Variants in TMEM114 observed in about 807,000 individuals in gnomAD.
The protein encoded by TMEM114 is claudin-26.
A neutral mutation model predicts 6.2 loss-of-function variants in TMEM114; 6 were observed. The observed-to-expected ratio is 0.97, with a 90% CI of 0.53 to 1.91. The LOEUF (loss-of-function observed/expected upper bound fraction) is 1.91. TMEM114 is among the 40% of genes most tolerant of loss of function. TMEM114 has a pLI of 0.01. For missense variants in TMEM114, 218 were observed against 158.3 expected, an observed-to-expected ratio of 1.38 and a Z score of -2.02; for synonymous variants, 104 against 73.0, an observed-to-expected ratio of 1.42 and a Z score of -2.16.
chr16:8,561,751 G>T (rs932033841), intron 2 of TMEM114, among the ~76,000 whole-genome samples: 22 of 152,146 alleles, frequency 1.4e-4, no homozygotes, highest in East Asian at 7.7e-4. Context: ...GTGGGGGAAT[G>T]AATGAATGAA....
chr16:8,541,386 C>G (rs1425288261), intron 2 of TMEM114, among the ~76,000 whole-genome samples: 1 of 152,004 alleles, frequency 6.6e-6, no homozygotes, highest in Non-Finnish European at 1.5e-5. Context: ...AAACCAGGAC[C>G]TCCCCAAGCA....
chr16:8,568,899 C>A (rs1321940049), downstream of TMEM114, among the ~76,000 whole-genome samples: 1 of 152,222 alleles, frequency 6.6e-6, no homozygotes, highest in Non-Finnish European at 1.5e-5. Context: ...AAGATGACAA[C>A]CCTTCTCTGT....
At chr16:8,569,081 G>A (rs1175705768), downstream of TMEM114, among the ~76,000 whole-genome samples, 5 of 152,218 alleles carry the variant, frequency 3.3e-5, no homozygotes, top group Non-Finnish European at 5.9e-5. Flanking sequence ...AGCCCATAGA[G>A]TCTGGGGCGC....
chr16:8,564,204 G>C (rs376504247), intron 2 of TMEM114, among the ~76,000 whole-genome samples: 24 of 122,306 alleles, frequency 2.0e-4, no homozygotes, highest in South Asian at 1.9e-3. Flanking sequence ...TGAGTGAGTG[G>C]GTGAATGAGT....
At chr16:8,578,152 G>T (rs1447051349) in intron 2 of TMEM114, among the ~76,000 whole-genome samples, 1 of 152,124 alleles carries the variant, frequency 6.6e-6, no homozygotes, top group Admixed American at 6.5e-5. Context: ...GGGGGGCCTT[G>T]TTCTTAGATC....
chr16:8,528,103 G>C, the TMEM114 span, among the ~76,000 whole-genome samples: 7 of 152,030 alleles, frequency 4.6e-5, no homozygotes, highest in Non-Finnish European at 8.8e-5. Context: ...ATTTCGCCAT[G>C]CTGCCCAGGC....
At chr16:8,560,126 G>A (rs1245075191) in intron 2 of TMEM114, among the ~76,000 whole-genome samples, 1 of 152,056 alleles carries the variant, frequency 6.6e-6, no homozygotes, top group Non-Finnish European at 1.5e-5. Flanking sequence ...CTGAGTAGCT[G>A]GGACTACAGG....
At chr16:8,546,566 G>A (rs1245193864) in intron 2 of TMEM114, among the ~76,000 whole-genome samples, 3 of 152,146 alleles carry the variant, frequency 2.0e-5, no homozygotes, top group Non-Finnish European at 2.9e-5. Flanking sequence ...ATTGGTTCAG[G>A]AAGCCAAGCA....
chr16:8,563,102 GGAAT>G (rs1435024436), intron 2 of TMEM114, among the ~76,000 whole-genome samples: 1 of 149,202 alleles, frequency 6.7e-6, no homozygotes, highest in African/African-American at 2.5e-5. Context: ...AGGGAGGGAG[GGAAT>G]GAGTGAGTGA....
At chr16:8,574,700 CTG>C (rs981279605) in intron 2 of TMEM114, among the ~76,000 whole-genome samples, 8 of 152,104 alleles carry the variant, frequency 5.3e-5, no homozygotes, top group African/African-American at 1.9e-4. Flanking sequence ...TCATCTCAGA[CTG>C]TGGCCAAGAA....
chr16:8,547,372 C>G lies in TMEM114; in HGVS notation n.213-9546G>C, dbSNP rs1900702007. On this transcript the variant is annotated intron_variant and non_coding_transcript_variant, in intron 2 of 2. Coordinates refer to the TMEM114 transcript ENST00000623677. ...TTCCCATTGCCCCTGAAGAGACGCG[C>G]TTTCTTTCTTTCTTTCTTTCTTTCT... Among the ~76,000 whole-genome samples, 6 of 64,616 alleles carry G rather than the reference C, an allele frequency of 9.3e-5. No homozygotes were observed. The South Asian group carries it at 4.2e-3, about 46-fold the overall frequency. The allele number at this position is 64,616 out of a possible 152,430, so 42.4% of individuals were successfully genotyped here.
intron 2 of TMEM114, among the ~76,000 whole-genome samples, chr16:8,561,783 G>A (rs1360150058): frequency 6.7e-6 from 1 of 149,904 alleles, no homozygotes; most frequent in East Asian, 1.9e-4. Flanking sequence ...GGTAATGAGT[G>A]AATCAGTGAA....
chr16:8,560,180 T>C (rs146253138), intron 2 of TMEM114, among the ~76,000 whole-genome samples: 232 of 151,380 alleles, frequency 1.5e-3, no homozygotes, highest in African/African-American at 5.2e-3. Context: ...TTTTTTTTTG[T>C]AGAGATGGGG....
At position 8,544,104 on chromosome 16, in the gene TMEM114, T is replaced by C. The variant is rs1445381669; in HGVS notation, n.213-6278A>G. ...GATAGATTTTCTTTTTCCTTCACTGTGATTTTGTTGCTGTTTTTGTTTTCT... is the reference window on the plus strand; with the variant it reads ...GATAGATTTTCTTTTTCCTTCACTGCGATTTTGTTGCTGTTTTTGTTTTCT... On this transcript the variant is annotated intron_variant and non_coding_transcript_variant, in intron 2 of 2. Coordinates refer to the TMEM114 transcript ENST00000623677. Among the ~76,000 whole-genome samples, 6 of 152,350 alleles carry C rather than the reference T, an allele frequency of 3.9e-5. No individual in the cohort carries two copies. The East Asian group carries it at 1.2e-3, about 29-fold the overall frequency.
intron 2 of TMEM114, among the ~76,000 whole-genome samples, chr16:8,555,154 T>C (rs556736658): frequency 6.6e-6 from 1 of 152,290 alleles, no homozygotes; most frequent in South Asian, 2.1e-4. Context: ...TGAGCTCTTC[T>C]CTCTTCACAT....
At chr16:8,563,017 TG>T (rs879810355) in intron 2 of TMEM114, among the ~76,000 whole-genome samples, 3,801 of 131,018 alleles carry the variant, frequency 0.029, 365 homozygotes, top group Middle Eastern at 0.046. Flanking sequence ...AATGAATGAG[TG>T]AGTGAGGGAA....
At chr16:8,588,278 C>A (rs1378946826) in intron 2 of TMEM114, among the ~76,000 whole-genome samples, 8 of 104,702 alleles carry the variant, frequency 7.6e-5, no homozygotes, top group African/African-American at 2.7e-4. Flanking sequence ...CAGAGCAAGA[C>A]CCTGTCTCAA....
chr16:8,553,349 C>A (rs558272505), intron 2 of TMEM114, among the ~76,000 whole-genome samples: 1 of 152,154 alleles, frequency 6.6e-6, no homozygotes, highest in South Asian at 2.1e-4. Flanking sequence ...TTCAGGAGAA[C>A]GAAAATAGCT....
At chr16:8,579,891 A>T (rs185334527) in intron 2 of TMEM114, among the ~76,000 whole-genome samples, 1 of 152,250 alleles carries the variant, frequency 6.6e-6, no homozygotes, top group Admixed American at 6.5e-5. Context: ...ATGGACACGT[A>T]CTCCAGCTTG....
Sources: gnomAD v4.1 joint callset for allele counts (sites outside exome capture counted in the v4.1 genomes callset) on GRCh38, gnomAD v4.1.1 for gene constraint, MANE v1.5 for transcripts, NCBI Gene and HGNC (gene_info 2026-07-23, HGNC 2026-07-21) for gene names.